The following FRMD4A variants were observed in gnomAD, a reference collection of about 807,000 sequenced individuals.
FRMD4A encodes FERM domain containing 4A.
A neutral mutation model predicts 129.1 loss-of-function variants in FRMD4A; 29 were observed. The ratio of observed to expected loss-of-function variants is 0.22; its 90% CI spans 0.17 to 0.31. FRMD4A has a LOEUF of 0.31. Ranked by LOEUF, FRMD4A falls within the 10% of genes least tolerant of loss-of-function variation. The pLI is 1.00. For synonymous variants in FRMD4A, 634 were observed against 571.6 expected, an observed-to-expected ratio of 1.11 and a Z score of -1.56; for missense variants, 1,272 against 1,375.8, an observed-to-expected ratio of 0.92 and a Z score of 1.19.
At chr10:13,860,158 C>G (rs1208923213) in intron 2 of FRMD4A, among the ~76,000 whole-genome samples, 1 of 152,184 alleles carries the variant, frequency 6.6e-6, no homozygotes, top group East Asian at 1.9e-4. Flanking sequence ...TTGCTGCACT[C>G]TAAATACCTT....
intron 9 of FRMD4A, among the ~76,000 whole-genome samples, chr10:13,746,593 CAA>C (rs2091303386): frequency 5.3e-5 from 8 of 152,244 alleles, no homozygotes; most frequent in African/African-American, 1.4e-4. Context: ...AGTGTCCAGA[CAA>C]GACAAAATGC....
At chr10:14,167,802 G>T (rs1841268356) in intron 2 of FRMD4A, among the ~76,000 whole-genome samples, 1 of 152,080 alleles carries the variant, frequency 6.6e-6, no homozygotes, top group Admixed American at 6.5e-5. Flanking sequence ...GGGCAGGATG[G>T]AAAAGGATAT....
At chr10:14,130,744 C>T (rs965768944) in intron 2 of FRMD4A, among the ~76,000 whole-genome samples, 1 of 152,182 alleles carries the variant, frequency 6.6e-6, no homozygotes, top group African/African-American at 2.4e-5. Context: ...ATAGGCATTG[C>T]TCCCTATCTG....
At chr10:14,199,752 G>C (rs915435312) in intron 2 of FRMD4A, among the ~76,000 whole-genome samples, 4 of 150,798 alleles carry the variant, frequency 2.7e-5, no homozygotes, top group African/African-American at 9.7e-5. Context: ...ATCATATTTA[G>C]TTTTAATCTT....
At chr10:13,721,920 A>G (rs187075686) in intron 12 of FRMD4A, among the ~76,000 whole-genome samples, 1 of 152,332 alleles carries the variant, frequency 6.6e-6, no homozygotes, top group African/African-American at 2.4e-5. Context: ...TCTACTGCTC[A>G]TTAAAGGTAG....
intron 2 of FRMD4A, among the ~76,000 whole-genome samples, chr10:13,943,084 G>A (rs975638698): frequency 6.6e-6 from 1 of 152,176 alleles, no homozygotes; most frequent in Non-Finnish European, 1.5e-5. Flanking sequence ...AAAACTGCGA[G>A]TTATACATTT....
intron 2 of FRMD4A, among the ~76,000 whole-genome samples, chr10:13,878,989 T>C (rs2094518873): frequency 1.3e-5 from 2 of 152,192 alleles, no homozygotes; most frequent in Non-Finnish European, 2.9e-5. Context: ...ACACAAATGA[T>C]TGACTAAAAG....
intron 2 of FRMD4A, among the ~76,000 whole-genome samples, chr10:13,915,828 G>A (rs1055979095): frequency 3.3e-5 from 5 of 152,116 alleles, no homozygotes; most frequent in Non-Finnish European, 7.4e-5. Flanking sequence ...CTGTGCTCCC[G>A]CTGCAGAGGG....
intron 2 of FRMD4A, among the ~76,000 whole-genome samples, chr10:14,282,071 C>CAGGTGA (rs1347655180): frequency 1.3e-5 from 2 of 152,092 alleles, no homozygotes; most frequent in Admixed American, 6.5e-5. Context: ...GAATGAGAAC[C>CAGGTGA]AAGCAAAAGG....
intron 2 of FRMD4A, among the ~76,000 whole-genome samples, chr10:13,986,962 C>A (rs1301107815): frequency 6.6e-6 from 1 of 151,992 alleles, no homozygotes; most frequent in African/African-American, 2.4e-5. Flanking sequence ...AAAAACATGT[C>A]TGTAGGGCCT....
chr10:13,807,190 C>T (rs968647288), intron 4 of FRMD4A, among the ~76,000 whole-genome samples: 1 of 152,128 alleles, frequency 6.6e-6, no homozygotes, highest in Non-Finnish European at 1.5e-5. Flanking sequence ...TCTTTGTTTG[C>T]ATGTATCACC....
intron 8 of FRMD4A, among the ~76,000 whole-genome samples, chr10:13,752,520 C>T (rs528704405): frequency 2.6e-5 from 4 of 152,130 alleles, no homozygotes; most frequent in Non-Finnish European, 2.9e-5. Context: ...AAACTTGGGA[C>T]GAACAGAATA....
chr10:13,663,151 C>T (rs576247135), intron 19 of FRMD4A, among the ~76,000 whole-genome samples: 6 of 151,002 alleles, frequency 4.0e-5, no homozygotes, highest in Non-Finnish European at 7.4e-5. Context: ...GATCATACCA[C>T]TGCACTCCAG....
intron 3 of FRMD4A, among the ~76,000 whole-genome samples, chr10:13,830,394 A>G (rs1045528964): frequency 9.2e-5 from 14 of 152,250 alleles, no homozygotes; most frequent in Non-Finnish European, 1.8e-4. Context: ...CAAGAAGGTG[A>G]AAAAACAGCA....
At position 14,315,739 on chromosome 10, in the gene FRMD4A, C is replaced by T. The variant is rs1470815052; in HGVS notation, c.45+14319G>A. 3.9e-5 allele frequency among the ~76,000 whole-genome samples: 6 copies of T among 152,276 alleles called. No individual in the cohort carries two copies. The South Asian group carries it at 1.2e-3, about 32-fold the overall frequency. On this transcript the variant is annotated intron_variant, in intron 2 of 24. Coordinates refer to ENST00000357447, the MANE Select transcript of FRMD4A (RefSeq NM_018027.5). Reference sequence around the variant, plus strand: ...AAAAGGTATCATGCAACCATATGATCCTCTACTCTTCCTGATACTTTAAAT... The same window carrying T: ...AAAAGGTATCATGCAACCATATGATTCTCTACTCTTCCTGATACTTTAAAT...
Position 14,041,545 on chromosome 10 carries a change from C to T in FRMD4A, c.46-182633G>A, listed in dbSNP as rs548716005. On this transcript the variant is annotated intron_variant, in intron 2 of 24. Coordinates refer to ENST00000357447, the MANE Select transcript of FRMD4A (RefSeq NM_018027.5). ...AGGAAACGTTTACAAATAAGTTCTGCGTCTAGGCGTATACCCAAAACAGAT... is the reference window on the plus strand; with the variant it reads ...AGGAAACGTTTACAAATAAGTTCTGTGTCTAGGCGTATACCCAAAACAGAT... Among the ~76,000 whole-genome samples the T allele has an allele frequency of 3.9e-4, 59 of 152,300 alleles. 1 individual carries two copies. The South Asian group carries it at 7.3e-3, about 19-fold the overall frequency.
intron 19 of FRMD4A, among the ~76,000 whole-genome samples, chr10:13,660,999 A>G (rs769067544): frequency 6.6e-6 from 1 of 152,186 alleles, no homozygotes; most frequent in African/African-American, 2.4e-5. Context: ...TCCTCAGCCG[A>G]CACATAGTAG....
chr10:14,260,253 T>C (rs1378960419), intron 2 of FRMD4A, among the ~76,000 whole-genome samples: 2 of 152,172 alleles, frequency 1.3e-5, no homozygotes, highest in African/African-American at 2.4e-5. Flanking sequence ...CGGACTCTCA[T>C]GTGCTTTAAG....
At chr10:13,872,946 G>A (rs939705862) in intron 2 of FRMD4A, among the ~76,000 whole-genome samples, 1 of 152,034 alleles carries the variant, frequency 6.6e-6, no homozygotes, top group Non-Finnish European at 1.5e-5. Context: ...GAGGCGGAGG[G>A]GGGCAGATCA....
Sources: allele counts gnomAD v4.1 joint callset (sites outside exome capture counted in the v4.1 genomes callset), GRCh38; gene constraint gnomAD v4.1.1; transcripts MANE v1.5; gene names NCBI Gene and HGNC (gene_info 2026-07-23, HGNC 2026-07-21).